FAXDC2: variants seen among roughly 807,000 people sequenced by gnomAD.
FAXDC2 encodes fatty acid hydroxylase domain-containing protein 2.
FAXDC2 carries 41 observed loss-of-function variants against 40.9 expected under a neutral mutation model. The ratio of observed to expected loss-of-function variants is 1.00; its 90% CI spans 0.78 to 1.30. The LOEUF is 1.30. Among genes scored for constraint, FAXDC2 ranks in the 50% most tolerant of loss-of-function variants. The pLI, the probability that FAXDC2 is intolerant of heterozygous loss-of-function variation, is 0.00. For synonymous variants in FAXDC2, 157 were observed against 149.3 expected (o/e 1.05, Z -0.38); for missense variants, 390 against 408.8 (o/e 0.95, Z 0.40).
intron 1 of FAXDC2, among the ~76,000 whole-genome samples, chr5:154,841,529 T>G (rs557633787): frequency 7.0e-4 from 107 of 152,268 alleles, no homozygotes; most frequent in African/African-American, 2.5e-3. Context: ...GCCCCACAAC[T>G]AGGACAACAG....
intron 4 of FAXDC2, among the ~76,000 whole-genome samples, chr5:154,831,476 CCT>C (rs1003150894): frequency 2.0e-5 from 3 of 151,480 alleles, no homozygotes; most frequent in Non-Finnish European, 4.4e-5. Flanking sequence ...TGAGACAAAG[CCT>C]CTCTCTGTCA....
intron 5 of FAXDC2, among the ~76,000 whole-genome samples, chr5:154,829,285 G>C (rs1760129696): frequency 6.6e-6 from 1 of 152,222 alleles, no homozygotes; most frequent in Non-Finnish European, 1.5e-5. Context: ...CAGTGGGAGA[G>C]TAAACAGAGC....
chr5:154,838,638 G>A (rs762148973), intron 1 of FAXDC2: 13 of 187,598 alleles, frequency 6.9e-5, no homozygotes, highest in Middle Eastern at 2.2e-3. Flanking sequence ...TCGCTCTGTC[G>A]CCCAGGCTGG....
At chr5:154,843,469 A>C (rs1300484264) in intron 1 of FAXDC2, among the ~76,000 whole-genome samples, 4 of 152,250 alleles carry the variant, frequency 2.6e-5, no homozygotes, top group Admixed American at 1.3e-4. Flanking sequence ...CATCATTCTG[A>C]AATTTATATC....
intron 2 of FAXDC2, among the ~76,000 whole-genome samples, chr5:154,837,098 A>G (rs1760365552): frequency 6.6e-6 from 1 of 151,950 alleles, no homozygotes; most frequent in Non-Finnish European, 1.5e-5. Flanking sequence ...CCCACTTCTG[A>G]TCAAAAGACC....
intron 1 of FAXDC2, among the ~76,000 whole-genome samples, chr5:154,846,158 A>G (rs546368827): frequency 3.8e-4 from 58 of 152,120 alleles, no homozygotes; most frequent in African/African-American, 1.3e-3. Flanking sequence ...AACTGAGACT[A>G]CAAAAGTATA....
In FAXDC2 at chr5:154,840,243, AT is replaced by A. The variant is rs527412859; in HGVS notation, c.1-2066del. Among the ~76,000 whole-genome samples, 1,289 of 151,904 alleles carry A rather than the reference AT, an allele frequency of 8.5e-3. 13 individuals are homozygous for A. Among genetic ancestry groups the A allele is most frequent in the Non-Finnish European group, 0.013 (884 of 67,928 alleles). The stretch of plus-strand genomic sequence containing the variant: ...GGAAATAACTGCTCCCCTTTGACCC[AT>A]TTTTTTTATTATTATTTTTATTTTA... On this transcript the variant is annotated intron_variant, in intron 1 of 8. Coordinates refer to ENST00000326080, the MANE Select transcript of FAXDC2 (RefSeq NM_032385.5).
intron 4 of FAXDC2, among the ~76,000 whole-genome samples, chr5:154,834,070 AAT>A (rs1038632567): frequency 6.8e-6 from 1 of 147,568 alleles, no homozygotes; most frequent in Non-Finnish European, 1.5e-5. Flanking sequence ...TATTATATAT[AAT>A]ATATATTAAA....
intron 2 of FAXDC2, chr5:154,835,423 G>T (rs567710912): frequency 6.2e-6 from 1 of 162,542 alleles, no homozygotes; most frequent in Non-Finnish European, 1.3e-5. Flanking sequence ...GCAAGGTTGA[G>T]ATAGTCATCA....
Position 154,820,467 on chromosome 5 carries a change from T to C in FAXDC2, c.851A>G (p.Asn284Ser), listed in dbSNP as rs768554552. ...EFHDYHHLKF[N>S]QCYGVLGVLD... ...CACACCCAGCACCCCATAGCACTGGTTGAACCTAGAAGAGAGAGGACGGCA... is the reference window on the plus strand; with the variant it reads ...CACACCCAGCACCCCATAGCACTGGCTGAACCTAGAAGAGAGAGGACGGCA... Residue 284 changes from asparagine (N) to serine (S), a missense_variant, in exon 9 of 9, where the codon AAC (asparagine) becomes AGC (serine). Asn to Ser is a conservative substitution (Grantham distance 46). Transcript: ENST00000326080. 1.2e-6 allele frequency: 2 copies of C among 1,609,628 alleles called. No homozygotes were observed. The highest frequency in any genetic ancestry group is 1.7e-6 in the Non-Finnish European group (2 of 1,177,786).
chr5:154,824,221 A>G (rs1234015459), intron 5 of FAXDC2: 1 of 492,434 alleles, frequency 2.0e-6, no homozygotes, highest in African/African-American at 1.9e-5. Context: ...CCAAGTGTCC[A>G]AAGTCCATTT....
At chr5:154,822,330 A>G (rs1759909532) in intron 7 of FAXDC2, 142 bp downstream of exon 7, 5 of 672,470 alleles carry the variant, frequency 7.4e-6, no homozygotes, top group Admixed American at 4.8e-5. Flanking sequence ...AGCCTGGCAT[A>G]TGGAAGGCTG....
chr5:154,834,891 A>G lies in FAXDC2; in HGVS notation c.92T>C (p.Leu31Pro). The G allele has an allele frequency of 6.2e-7, 1 of 1,609,756 alleles. No individual in the cohort carries two copies. The change falls in exon 3 of 9, where the codon CTG becomes CCG. Residue 31 changes from leucine (L) to proline (P), a missense_variant. Physicochemically the swap from Leu to Pro is moderately conservative, Grantham distance 98 (BLOSUM62 -3). Coordinates refer to ENST00000326080, the MANE Select transcript of FAXDC2 (RefSeq NM_032385.5). ...WGSMRRTAFI[L>P]GSGLLSFVAF... The stretch of plus-strand genomic sequence containing the variant: ...CACAAATGAGAGAAGTCCAGAGCCC[A>G]GGATGAAAGCTGTCCTCCTCATAGA...
intron 1 of FAXDC2, among the ~76,000 whole-genome samples, chr5:154,843,102 C>T (rs557220217): frequency 6.6e-6 from 1 of 152,316 alleles, no homozygotes; most frequent in Non-Finnish European, 1.5e-5. Context: ...TTTCCCTCTT[C>T]AGTGTTTGTT....
intron 5 of FAXDC2, chr5:154,824,352 A>T (rs926283506): frequency 9.5e-6 from 6 of 630,162 alleles, no homozygotes; most frequent in African/African-American, 5.4e-5. Flanking sequence ...CTGGATCCTG[A>T]TGAACTTGTT....
chr5:154,835,082 C>A, intron 2 of FAXDC2, 148 bp from the exon 3 acceptor site: 1 of 617,696 alleles, frequency 1.6e-6, no homozygotes. Flanking sequence ...CCTTTTCCAG[C>A]TTCTGTGGGA....
intron 8 of FAXDC2, chr5:154,820,934 G>A (rs1759871618): frequency 6.4e-6 from 2 of 313,634 alleles, no homozygotes; most frequent in Non-Finnish European, 1.2e-5. Context: ...ACTTGAAAAA[G>A]TCTGGGGCTT....
In FAXDC2 at chr5:154,830,878, G is replaced by A. The variant is rs1413670628; in HGVS notation, c.289C>T (p.Leu97Phe). Residue 97 changes from leucine to phenylalanine, a missense_variant, in exon 5 of 9, where the codon CTT becomes TTT. By Grantham distance (22) the Leu-to-Phe change is conservative. Coordinates refer to ENST00000326080, the MANE Select transcript of FAXDC2 (RefSeq NM_032385.5). ...CCTGTTGTGTCAACCACCAATAGAA[G>A]CCCATTGAAGCTCCAGAAGAAGAGA... ...PCLFFWSFNG[L>F]LLVVDTTGKP... The A allele has an allele frequency of 6.2e-6, 10 of 1,613,972 alleles. No homozygotes were observed. The highest frequency in any genetic ancestry group is 4.0e-5 in the African/African-American group (3 of 74,932).
chr5:154,836,704 G>A (rs1760357866), intron 2 of FAXDC2, among the ~76,000 whole-genome samples: 2 of 152,002 alleles, frequency 1.3e-5, no homozygotes, highest in African/African-American at 4.8e-5. Context: ...AGGCTGGAGT[G>A]CAGTGGTGCA....
Sources: gnomAD v4.1 joint callset for allele counts (sites outside exome capture counted in the v4.1 genomes callset) on GRCh38, gnomAD v4.1.1 for gene constraint, MANE v1.5 for transcripts, NCBI Gene and HGNC (gene_info 2026-07-23, HGNC 2026-07-21) for gene names.